PCGF3: variants seen among roughly 807,000 people sequenced by gnomAD.
The protein encoded by PCGF3 is polycomb group RING finger protein 3.
A neutral mutation model predicts 33.1 loss-of-function variants in PCGF3; 7 were observed. The ratio of observed to expected loss-of-function variants is 0.21; its 90% CI spans 0.12 to 0.40. PCGF3 has a LOEUF of 0.40. Ranked by LOEUF, PCGF3 falls within the 10% of genes least tolerant of loss-of-function variation. The pLI is 1.00. For synonymous variants in PCGF3, 153 were observed against 121.3 expected (o/e 1.26, Z -1.72); for missense variants, 211 against 313.3 (o/e 0.67, Z 2.46).
At chr4:768,216 T>A (rs1577455600) in exon 11 of PCGF3, 1 of 152,652 alleles carries the variant, frequency 6.6e-6, no homozygotes, top group Non-Finnish European at 1.5e-5. Flanking sequence ...TGACAAAACC[T>A]CAGCAGCAGA....
rs1368014671 is a variant in PCGF3, at chr4:749,398, G to C, written c.462+4710G>C. ...AGGCTGATCTTGAACTCTTGACCTC[G>C]GGTGATCCACCCACCTCAGCCTCCC... On this transcript the variant is annotated intron_variant, in intron 8 of 10. Coordinates refer to ENST00000362003, the Ensembl canonical transcript of PCGF3. Among the ~76,000 whole-genome samples the C allele has an allele frequency of 2.0e-5, 3 of 151,356 alleles. No homozygotes were observed. The South Asian group carries it at 6.3e-4, about 32-fold the overall frequency.
At chr4:757,515 A>C (rs1373448313) in intron 8 of PCGF3, 1 of 152,234 alleles carries the variant, frequency 6.6e-6, no homozygotes, top group African/African-American at 2.4e-5. Flanking sequence ...TGACATACTA[A>C]TCTAGCTATG....
rs1358467734 is a variant in PCGF3 at position 761,276 on chromosome 4, C to T, written c.463-3C>T. On this transcript the variant is annotated splice_region_variant and splice_polypyrimidine_tract_variant and intron_variant, in intron 8 of 10. Coordinates refer to ENST00000362003, the Ensembl canonical transcript of PCGF3. ...GCGCTCTCACCAGCGTCCTTTCCCG[C>T]AGGTGAGCATCTGCCTGGAGTGTAA... 4 of 1,578,834 alleles carry T rather than the reference C, an allele frequency of 2.5e-6. No homozygotes were observed. Among genetic ancestry groups the T allele is most frequent in the Non-Finnish European group, 3.5e-6 (4 of 1,158,320 alleles).
Position 761,261 on chromosome 4 carries a change from C to A in PCGF3, c.463-18C>A. The A allele has an allele frequency of 6.4e-7, 1 of 1,568,014 alleles. No individual in the cohort carries two copies. The highest frequency in any genetic ancestry group is 1.2e-5 in the South Asian group (1 of 85,942). Reference sequence around the variant, plus strand: ...GGGAACCCTCCTGCTGCGCTCTCACCAGCGTCCTTTCCCGCAGGTGAGCAT... The same window carrying A: ...GGGAACCCTCCTGCTGCGCTCTCACAAGCGTCCTTTCCCGCAGGTGAGCAT... On this transcript the variant is annotated intron_variant, in intron 8 of 10. Coordinates refer to ENST00000362003, the Ensembl canonical transcript of PCGF3.
At position 729,709 on chromosome 4, in the gene PCGF3, A is replaced by G. The variant is rs867610393; in HGVS notation, c.-189-921A>G. Among the ~76,000 whole-genome samples, 4 of 152,332 alleles carry G rather than the reference A, an allele frequency of 2.6e-5. No individual in the cohort carries two copies. In the Middle Eastern group the frequency reaches 0.01, roughly 389 times the overall value. Reference sequence around the variant, plus strand: ...TCCCTTCTTCCTCCCTTTTTATGTAAAAGTTAACTGAGCTTCAAAGATTAG... The same window carrying G: ...TCCCTTCTTCCTCCCTTTTTATGTAGAAGTTAACTGAGCTTCAAAGATTAG... On this transcript the variant is annotated intron_variant, in intron 1 of 10. Transcript: ENST00000362003.
intron 8 of PCGF3, among the ~76,000 whole-genome samples, chr4:754,532 T>C (rs930874574): frequency 7.2e-5 from 11 of 152,222 alleles, no homozygotes; most frequent in African/African-American, 2.4e-4. Context: ...TCTCCTGGAC[T>C]GTAGAGGTGA....
chr4:735,148 T>C, intron 5 of PCGF3, 121 bp downstream of exon 5: 3 of 1,107,920 alleles, frequency 2.7e-6, no homozygotes, highest in Non-Finnish European at 3.8e-6. Context: ...CAGCCTCTCC[T>C]GACCAAGGGC....
rs191380444 is a variant in PCGF3 at position 755,132 on chromosome 4, T to C, written c.463-6147T>C. Among the ~76,000 whole-genome samples the C allele has an allele frequency of 1.9e-3, 289 of 152,332 alleles. 3 individuals carry two copies. The highest frequency in any genetic ancestry group is 6.6e-3 in the African/African-American group (276 of 41,562). On this transcript the variant is annotated intron_variant, in intron 8 of 10. Transcript: ENST00000362003. ...GCTGTGTGCACACAGGCCCGCGTGGTGTCGCAGAGCACACGGCGTTGTGTG... is the reference window on the plus strand; with the variant it reads ...GCTGTGTGCACACAGGCCCGCGTGGCGTCGCAGAGCACACGGCGTTGTGTG...
rs1743046922 is a variant in PCGF3, at chr4:720,789, G to T, written c.-189-9841G>T. 6.6e-6 allele frequency among the ~76,000 whole-genome samples: 1 copy of T among 152,174 alleles called. No homozygotes were observed. Among genetic ancestry groups the T allele is most frequent in the Admixed American group, 6.5e-5 (1 of 15,276 alleles). On this transcript the variant is annotated intron_variant, in intron 1 of 10. Transcript: ENST00000362003. This position sits in a 1 kb window ranked among gnomAD's most constrained non-coding sequence, Gnocchi z 5.6. ...GAATGGATGTGGTTCCGACGTGACTGCGCTGGCATGGGAAGCAGAGGGTGA... is the reference window on the plus strand; with the variant it reads ...GAATGGATGTGGTTCCGACGTGACTTCGCTGGCATGGGAAGCAGAGGGTGA...
At chr4:728,479 G>T (rs1028531809) in intron 1 of PCGF3, among the ~76,000 whole-genome samples, 1 of 152,130 alleles carries the variant, frequency 6.6e-6, no homozygotes, top group Non-Finnish European at 1.5e-5. Context: ...GGCGTAGAGC[G>T]CGTTGGGGGG....
chr4:742,759 A>T (rs971116880), intron 6 of PCGF3, among the ~76,000 whole-genome samples: 7 of 152,184 alleles, frequency 4.6e-5, no homozygotes, highest in African/African-American at 1.4e-4. Flanking sequence ...GCCGCCGGGC[A>T]GTCTCCTCCC....
intron 6 of PCGF3, among the ~76,000 whole-genome samples, chr4:740,669 C>G (rs1744048333): frequency 6.6e-6 from 1 of 152,070 alleles, no homozygotes; most frequent in Non-Finnish European, 1.5e-5. Context: ...GCAGGAGGAT[C>G]CCATGAGCTA....
intron 1 of PCGF3, among the ~76,000 whole-genome samples, chr4:722,633 G>A (rs1330582977): frequency 1.2e-4 from 11 of 93,210 alleles, no homozygotes; most frequent in African/African-American, 2.1e-4. Context: ...AGTCATCGCC[G>A]TCCGCGCCGG....
At chr4:766,331 G>T in exon 11 of PCGF3, 1 of 435,450 alleles carries the variant, frequency 2.3e-6, no homozygotes, top group Non-Finnish European at 4.1e-6. Flanking sequence ...CTTCAGCCTT[G>T]CAGGGAGAGT....
intron 8 of PCGF3, among the ~76,000 whole-genome samples, chr4:752,482 C>T (rs1222597384): frequency 1.3e-5 from 2 of 152,232 alleles, no homozygotes; most frequent in African/African-American, 2.4e-5. Flanking sequence ...AGCTGTTCCG[C>T]TCTTTTCCCC....
At chr4:714,328 G>T (rs1176426614) in intron 1 of PCGF3, among the ~76,000 whole-genome samples, 2 of 152,080 alleles carry the variant, frequency 1.3e-5, no homozygotes, top group Non-Finnish European at 2.9e-5. Flanking sequence ...GTGGCCGTTC[G>T]GCCGCATTTG....
At chr4:734,245 T>C (rs1280124333) in intron 4 of PCGF3, 2 of 1,487,332 alleles carry the variant, frequency 1.3e-6, no homozygotes, top group African/African-American at 1.4e-5. Context: ...TTTCTAAGTG[T>C]GGCTACCGCT....
chr4:712,370 C>T (rs1328041900), intron 1 of PCGF3, among the ~76,000 whole-genome samples: 1 of 152,222 alleles, frequency 6.6e-6, no homozygotes, highest in Non-Finnish European at 1.5e-5. Flanking sequence ...TATAGTCCTT[C>T]AACCTATTGT....
intron 1 of PCGF3, among the ~76,000 whole-genome samples, chr4:718,171 C>T (rs142884866): frequency 0.011 from 1,710 of 152,220 alleles, 35 homozygotes; most frequent in African/African-American, 0.038. Flanking sequence ...CGCCCACTGA[C>T]GTGCAGCCGT....
Sources: allele counts gnomAD v4.1 joint callset (sites outside exome capture counted in the v4.1 genomes callset), GRCh38; gene constraint gnomAD v4.1.1; non-coding constraint Gnocchi (gnomAD v3.1); transcripts MANE v1.5; gene names NCBI Gene and HGNC (gene_info 2026-07-23, HGNC 2026-07-21).